Variants in RGS7BP observed in about 807,000 individuals in gnomAD.
RGS7BP encodes the protein regulator of G protein signaling 7-binding protein.
In RGS7BP, 9 loss-of-function variants were observed where a neutral mutation model predicts 31.3. The observed-to-expected ratio is 0.29, with a 90% CI of 0.17 to 0.50. RGS7BP has a LOEUF of 0.50. Ranked by LOEUF, RGS7BP falls within the 20% of genes least tolerant of loss-of-function variation. RGS7BP has a pLI of 0.98. For synonymous variants in RGS7BP, 115 were observed against 120.1 expected, an observed-to-expected ratio of 0.96 and a Z score of 0.28; for missense variants, 274 against 322.0, an observed-to-expected ratio of 0.85 and a Z score of 1.14.
chr5:64,538,546 C>CTTTTTTTTTTTTTTTTCCTTTTT (rs1741443057), intron 2 of RGS7BP, among the ~76,000 whole-genome samples: 3 of 40,020 alleles, frequency 7.5e-5, no homozygotes, highest in African/African-American at 1.1e-4. Flanking sequence ...TTTTCCTTTT[C>CTTTTTTTTTTTTTTTTCCTTTTT]TTTTTTTTTT....
Position 64,610,024 on chromosome 5 carries a change from C to G in RGS7BP, c.*772C>G, listed in dbSNP as rs890569134. On this transcript the variant is annotated 3_prime_UTR_variant, in exon 6 of 6. Coordinates refer to ENST00000334025, the MANE Select transcript of RGS7BP (RefSeq NM_001029875.3). ...TTAGGAAATGGTGTAGTAACATATA[C>G]AATTGCCCTCAAATGTAAAATCAAA... 2.0e-5 allele frequency: 3 copies of G among 152,368 alleles called. No homozygotes were observed. The highest frequency in any genetic ancestry group is 7.2e-5 in the African/African-American group (3 of 41,408). 9.4% of individuals were successfully genotyped at this position (152,368 alleles called of 1,614,324 possible).
chr5:64,601,537 A>G, intron 5 of RGS7BP: 1 of 607,630 alleles, frequency 1.6e-6, no homozygotes, highest in Non-Finnish European at 2.1e-6. Context: ...CCGTCCATCC[A>G]GTTTAAGACT....
chr5:64,590,026 G>T (rs1420787947), intron 3 of RGS7BP, among the ~76,000 whole-genome samples: 2 of 151,512 alleles, frequency 1.3e-5, no homozygotes, highest in Admixed American at 6.6e-5. Context: ...TGAAACCATT[G>T]GGGAAATTTA....
At chr5:64,572,100 CAT>C (rs1742313759) in intron 2 of RGS7BP, among the ~76,000 whole-genome samples, 1 of 152,122 alleles carries the variant, frequency 6.6e-6, no homozygotes, top group African/African-American at 2.4e-5. Flanking sequence ...ACATAAGTAA[CAT>C]GTGGTAAAGT....
At chr5:64,603,161 G>A (rs537503811) in intron 5 of RGS7BP, among the ~76,000 whole-genome samples, 30 of 152,288 alleles carry the variant, frequency 2.0e-4, no homozygotes, top group African/African-American at 7.0e-4. Context: ...TCATCCAGGT[G>A]AGAAATGCTT....
chr5:64,582,492 T>C (rs1465709123), intron 3 of RGS7BP, among the ~76,000 whole-genome samples: 2 of 152,232 alleles, frequency 1.3e-5, no homozygotes, highest in South Asian at 2.1e-4. Context: ...TGACTCTGCT[T>C]GTCCTCTCTG....
At chr5:64,597,966 G>A (rs1303540928) in intron 4 of RGS7BP, among the ~76,000 whole-genome samples, 1 of 152,176 alleles carries the variant, frequency 6.6e-6, no homozygotes, top group Non-Finnish European at 1.5e-5. Context: ...ATAAAGCCTT[G>A]ATAGCACCAT....
intron 2 of RGS7BP, among the ~76,000 whole-genome samples, chr5:64,572,646 A>C (rs1742325955): frequency 1.3e-5 from 2 of 152,076 alleles, no homozygotes; most frequent in South Asian, 4.2e-4. Flanking sequence ...CAACCTTAGC[A>C]TCAATTAATT....
intron 2 of RGS7BP, among the ~76,000 whole-genome samples, chr5:64,519,290 A>C (rs1205652473): frequency 6.6e-6 from 1 of 152,190 alleles, no homozygotes; most frequent in African/African-American, 2.4e-5. Flanking sequence ...TAAACGTTGA[A>C]CACGTATTAT....
At chr5:64,564,379 T>G (rs1193426167) in intron 2 of RGS7BP, among the ~76,000 whole-genome samples, 1 of 152,192 alleles carries the variant, frequency 6.6e-6, no homozygotes, top group Non-Finnish European at 1.5e-5. Context: ...AAACTGAATT[T>G]TTGCTTCTTG....
chr5:64,598,538 A>G lies in RGS7BP; in HGVS notation c.682+103A>G, dbSNP rs1580468795. Reference sequence around the variant, plus strand: ...AGCATGTGTCTCACACAAACAGTAGAAGGCATTGAGCATTCATTAGTCTTT... The same window carrying G: ...AGCATGTGTCTCACACAAACAGTAGGAGGCATTGAGCATTCATTAGTCTTT... On this transcript the variant is annotated intron_variant, in intron 5 of 5. Coordinates refer to ENST00000334025, the MANE Select transcript of RGS7BP (RefSeq NM_001029875.3). The G allele has an allele frequency of 3.6e-5, 28 of 776,056 alleles. No individual in the cohort carries two copies. The East Asian group carries it at 6.9e-4, about 19-fold the overall frequency. The allele number at this position is 776,056 out of a possible 1,614,324, so 48.1% of individuals were successfully genotyped here.
intron 2 of RGS7BP, among the ~76,000 whole-genome samples, chr5:64,551,810 G>A (rs891867857): frequency 2.6e-5 from 4 of 151,850 alleles, no homozygotes; most frequent in African/African-American, 9.7e-5. Flanking sequence ...ATTCTTTATA[G>A]CTAATCTAAA....
chr5:64,550,077 C>T (rs1317828754), intron 2 of RGS7BP, among the ~76,000 whole-genome samples: 1 of 152,176 alleles, frequency 6.6e-6, no homozygotes, highest in Non-Finnish European at 1.5e-5. Context: ...TTACCAGAAT[C>T]ACCCTTAACC....
chr5:64,510,627 C>T (rs755028083), intron 2 of RGS7BP, among the ~76,000 whole-genome samples: 1 of 152,142 alleles, frequency 6.6e-6, no homozygotes, highest in Admixed American at 6.5e-5. Context: ...GATGGTTATA[C>T]AATACTGTAT....
chr5:64,569,311 C>A (rs1455684774), intron 2 of RGS7BP, among the ~76,000 whole-genome samples: 22 of 152,136 alleles, frequency 1.4e-4, no homozygotes, highest in Admixed American at 1.2e-3. Context: ...CAACAACACA[C>A]GTTTCCACCT....
Sources: allele counts gnomAD v4.1 joint callset (sites outside exome capture counted in the v4.1 genomes callset), GRCh38; gene constraint gnomAD v4.1.1; transcripts MANE v1.5; gene names NCBI Gene and HGNC (gene_info 2026-07-23, HGNC 2026-07-21).